The following SRSF11 variants were observed in gnomAD, a reference collection of about 807,000 sequenced individuals.
SRSF11 encodes the protein serine/arginine-rich splicing factor 11.
SRSF11 carries 9 observed loss-of-function variants against 56.0 expected under a neutral mutation model. That is an observed-to-expected ratio of 0.16 (90% CI 0.10 to 0.28). SRSF11 has a LOEUF of 0.28. SRSF11 is among the 10% of genes least tolerant of loss of function. The probability of loss-of-function intolerance (pLI) is 1.00; values close to 1 mark genes in which losing one functional copy is unlikely to be tolerated. For missense variants in SRSF11, 421 were observed against 600.7 expected (o/e 0.70, Z 3.13); for synonymous variants, 222 against 215.3 (o/e 1.03, Z -0.27).
At chr1:70,236,202 TATAAA>T (rs1465952306) in intron 5 of SRSF11, among the ~76,000 whole-genome samples, 1 of 152,162 alleles carries the variant, frequency 6.6e-6, no homozygotes, top group Non-Finnish European at 1.5e-5. Flanking sequence ...TCACCCAGCT[TATAAA>T]ATAAAATAAT....
chr1:70,216,246 C>G (rs1383477473), intron 1 of SRSF11, among the ~76,000 whole-genome samples: 1 of 151,952 alleles, frequency 6.6e-6, no homozygotes, highest in African/African-American at 2.4e-5. Context: ...ATTTGACATG[C>G]TTTCCTGCCA....
At chr1:70,229,911 G>T (rs1229750655) in intron 2 of SRSF11, 4 of 985,188 alleles carry the variant, frequency 4.1e-6, no homozygotes, top group Non-Finnish European at 4.8e-6. Context: ...ATAAATTTTT[G>T]AGTTAGTGTG....
chr1:70,208,647 T>C (rs1669277804), intron 1 of SRSF11, among the ~76,000 whole-genome samples: 1 of 152,190 alleles, frequency 6.6e-6, no homozygotes, highest in Non-Finnish European at 1.5e-5. Flanking sequence ...TGCTGTATTG[T>C]ATTTATGTAG....
chr1:70,232,450 C>A, intron 3 of SRSF11, 73 bp downstream of exon 3: 1 of 1,155,762 alleles, frequency 8.7e-7, no homozygotes, highest in Non-Finnish European at 1.2e-6. Flanking sequence ...CATATTTGAA[C>A]TTTGTAAGTA....
Position 70,221,398 on chromosome 1 carries a change from G to T in SRSF11, c.-239G>T. 1 of 531,788 alleles carries T rather than the reference G, an allele frequency of 1.9e-6. No homozygotes were observed. Among genetic ancestry groups the T allele is most frequent in the Admixed American group, 3.6e-5 (1 of 27,420 alleles). 32.9% of individuals were successfully genotyped at this position (531,788 alleles called of 1,614,324 possible). A position where few individuals can be genotyped will look rare whatever the true frequency, so the allele number is the denominator to read the frequency against. On this transcript the variant is annotated 5_prime_UTR_variant, in exon 1 of 12. Transcript: ENST00000370949. Reference sequence around the variant, plus strand: ...GCCCGCTAGTGTCGTGGTTGGAGGCGAGGTGGGGCGGCCGTTTGTTTTCTC... The same window carrying T: ...GCCCGCTAGTGTCGTGGTTGGAGGCTAGGTGGGGCGGCCGTTTGTTTTCTC...
intron 9 of SRSF11, chr1:70,249,637 G>A (rs965497225): frequency 2.9e-5 from 7 of 244,934 alleles, no homozygotes; most frequent in Non-Finnish European, 5.6e-5. Context: ...ACTCACTCCA[G>A]CTTCAACCTC....
At chr1:70,207,724 C>CTTTTTTTTTT (rs202160955) in intron 1 of SRSF11, among the ~76,000 whole-genome samples, 1 of 136,490 alleles carries the variant, frequency 7.3e-6, no homozygotes, top group Non-Finnish European at 1.6e-5. Context: ...TTCTTTCGTT[C>CTTTTTTTTTT]TTTTTTTTTT....
rs1332618207 is a variant in SRSF11 at position 70,252,275 on chromosome 1, A to T, written c.*1470A>T. ...GATAAAGCAATGAACTTTAGTATAAACAAATCCCACCTATATCTAGCAAAT... is the reference window on the plus strand; with the variant it reads ...GATAAAGCAATGAACTTTAGTATAATCAAATCCCACCTATATCTAGCAAAT... On this transcript the variant is annotated 3_prime_UTR_variant, in exon 12 of 12. Coordinates refer to ENST00000370949, the MANE Select transcript of SRSF11 (RefSeq NM_001350605.2). 6.6e-6 allele frequency: 1 copy of T among 152,128 alleles called. No individual in the cohort carries two copies. The highest frequency in any genetic ancestry group is 1.5e-5 in the Non-Finnish European group (1 of 67,984). The allele number at this position is 152,128 out of a possible 1,614,324, so 9.4% of individuals were successfully genotyped here.
chr1:70,229,266 A>G, intron 2 of SRSF11: 2 of 1,289,382 alleles, frequency 1.6e-6, no homozygotes, highest in South Asian at 2.5e-5. Flanking sequence ...GGTCCTCTGC[A>G]GCTACAGGGG....
At chr1:70,213,751 G>A (rs1041530532) in intron 1 of SRSF11, among the ~76,000 whole-genome samples, 4 of 152,046 alleles carry the variant, frequency 2.6e-5, no homozygotes, top group African/African-American at 9.7e-5. Context: ...CCCCAATGAG[G>A]TGGGCATTAT....
chr1:70,242,448 A>T (rs1675673629), intron 7 of SRSF11, among the ~76,000 whole-genome samples: 1 of 148,156 alleles, frequency 6.7e-6, no homozygotes, highest in Non-Finnish European at 1.5e-5. Flanking sequence ...GGCATGCACC[A>T]CCACACCTGG....
intron 8 of SRSF11, among the ~76,000 whole-genome samples, chr1:70,245,936 G>A (rs1676642641): frequency 6.6e-6 from 1 of 151,952 alleles, no homozygotes; most frequent in Non-Finnish European, 1.5e-5. Flanking sequence ...ACCTACTAGG[G>A]GACTGTTCTA....
At chr1:70,237,692 T>C in intron 6 of SRSF11, 140 bp downstream of exon 6, 27 of 1,202,574 alleles carry the variant, frequency 2.2e-5, no homozygotes, top group Non-Finnish European at 3.1e-5. Flanking sequence ...GGAGTGCCAC[T>C]CAGACGTATT....
chr1:70,211,255 A>G lies in SRSF11; in HGVS notation c.-26+5475A>G, dbSNP rs530139083. 2.0e-5 allele frequency among the ~76,000 whole-genome samples: 3 copies of G among 152,216 alleles called. No homozygotes were observed. The South Asian group carries it at 6.2e-4, about 32-fold the overall frequency. On this transcript the variant is annotated intron_variant, in intron 1 of 12. Coordinates refer to the SRSF11 transcript ENST00000370950. ...ACCCTATGTTTATGTTAACACATAC[A>G]CTACTGAGTAAGTCTGTTTTAAAAA...
intron 7 of SRSF11, among the ~76,000 whole-genome samples, chr1:70,242,256 T>A (rs1240204103): frequency 6.6e-6 from 1 of 152,026 alleles, no homozygotes; most frequent in Non-Finnish European, 1.5e-5. Flanking sequence ...TACTTTACTA[T>A]GACCAGTGAA....
At chr1:70,239,875 C>CAGTAAAATG (rs1190635974) in intron 7 of SRSF11, among the ~76,000 whole-genome samples, 1 of 152,104 alleles carries the variant, frequency 6.6e-6, no homozygotes, top group African/African-American at 2.4e-5. Flanking sequence ...TAGATCAGAT[C>CAGTAAAATG]AGTAAAATGC....
At chr1:70,223,950 A>G (rs1671197119) in intron 1 of SRSF11, among the ~76,000 whole-genome samples, 1 of 152,178 alleles carries the variant, frequency 6.6e-6, no homozygotes, top group Non-Finnish European at 1.5e-5. Flanking sequence ...TGGGTTCCAC[A>G]TCCATGGATT....
chr1:70,221,831 C>A lies in SRSF11; in HGVS notation c.195C>A (p.Phe65Leu). The A allele has an allele frequency of 6.2e-7, 1 of 1,613,878 alleles. No homozygotes were observed. The highest frequency in any genetic ancestry group is 8.5e-7 in the Non-Finnish European group (1 of 1,179,982). ...GCAAGATCGACGAACTGCGCCTCTT[C>A]CCGCCGGAGTGAGTATCGTCCACCA... is the stretch of plus-strand genomic sequence containing the variant. ...FLGKIDELRL[F>L]PPDDSPLPVS... The change falls in exon 1 of 12, where the codon TTC becomes TTA. Residue 65 changes from phenylalanine (F) to leucine (L), a missense_variant. This residue lies in a region of SRSF11 where 168 missense variants were observed against 294.9 expected (regional missense o/e 0.57). Transcript: ENST00000370949.
intron 8 of SRSF11, 88 bp from the exon 9 acceptor site, chr1:70,246,730 T>C: frequency 2.7e-6 from 2 of 737,646 alleles, no homozygotes; most frequent in South Asian, 4.1e-5. Flanking sequence ...TGGGATTAGA[T>C]CTGATTATAT....
Sources: allele counts gnomAD v4.1 joint callset (sites outside exome capture counted in the v4.1 genomes callset), GRCh38; gene constraint gnomAD v4.1.1; regional missense constraint gnomAD v4.1.1; transcripts MANE v1.5; gene names NCBI Gene and HGNC (gene_info 2026-07-23, HGNC 2026-07-21).